The following IL1RAPL2 variants were observed in gnomAD, a reference collection of about 807,000 sequenced individuals.
IL1RAPL2 encodes X-linked interleukin-1 receptor accessory protein-like 2.
A neutral mutation model predicts 44.1 loss-of-function variants in IL1RAPL2; 3 were observed. The observed-to-expected ratio is 0.07, with a 90% confidence interval of 0.03 to 0.18. IL1RAPL2 has a LOEUF of 0.18. IL1RAPL2 is among the 10% of genes least tolerant of loss of function. The pLI, the probability that IL1RAPL2 is intolerant of heterozygous loss-of-function variation, is 1.00. For synonymous variants in IL1RAPL2, 181 were observed against 178.8 expected (o/e 1.01, Z -0.10); for missense variants, 391 against 496.4 (o/e 0.79, Z 2.02).
At chrX:105,435,355 C>A (rs918593528) in intron 5 of IL1RAPL2, among the ~76,000 whole-genome samples, 1 of 111,445 alleles carries the variant, frequency 9.0e-6, no homozygotes, top group African/African-American at 3.3e-5. Flanking sequence ...CCATCTCATG[C>A]CAGTCAGAAT....
At chrX:104,876,655 T>C (rs1389927464) in intron 2 of IL1RAPL2, among the ~76,000 whole-genome samples, 2 of 105,366 alleles carry the variant, frequency 1.9e-5, no homozygotes, top group Non-Finnish European at 3.9e-5. Context: ...AGCTTTCTTT[T>C]TTTTTTTTTT....
At chrX:105,151,534 T>C (rs181162056) in intron 2 of IL1RAPL2, among the ~76,000 whole-genome samples, 1 of 110,904 alleles carries the variant, frequency 9.0e-6, no homozygotes, top group East Asian at 2.8e-4. Flanking sequence ...TTTTTTCGTT[T>C]TTTTGGTTTG....
intron 2 of IL1RAPL2, among the ~76,000 whole-genome samples, chrX:105,126,218 T>C (rs2032973819): frequency 9.0e-6 from 1 of 111,350 alleles, no homozygotes; most frequent in Non-Finnish European, 1.9e-5. Context: ...AAGTGCTCTA[T>C]GTATTTGATT....
intron 2 of IL1RAPL2, among the ~76,000 whole-genome samples, chrX:104,909,600 T>G (rs1387324020): frequency 3.6e-5 from 4 of 111,652 alleles, no homozygotes; most frequent in African/African-American, 9.8e-5. Flanking sequence ...GGAGTCCCCT[T>G]GCCGTGTGAG....
intron 6 of IL1RAPL2, among the ~76,000 whole-genome samples, chrX:105,532,683 T>G: frequency 9.0e-6 from 1 of 111,130 alleles, no homozygotes; most frequent in Non-Finnish European, 1.9e-5. Flanking sequence ...TCCTTATCCC[T>G]TTCACCTCAT....
intron 6 of IL1RAPL2, among the ~76,000 whole-genome samples, chrX:105,710,439 C>T: frequency 9.9e-6 from 1 of 100,602 alleles, no homozygotes; most frequent in Non-Finnish European, 2.0e-5. Flanking sequence ...CTTTTCATCT[C>T]CCTTGTATCT....
chrX:104,693,541 C>A (rs1930917828), intron 2 of IL1RAPL2, among the ~76,000 whole-genome samples: 1 of 111,827 alleles, frequency 8.9e-6, no homozygotes, highest in African/African-American at 3.2e-5. Context: ...GGGTCACCTT[C>A]ATTGAGGAGC....
chrX:105,202,516 C>T (rs1363441935), intron 3 of IL1RAPL2, among the ~76,000 whole-genome samples: 1 of 111,807 alleles, frequency 8.9e-6, no homozygotes, highest in African/African-American at 3.2e-5. Flanking sequence ...GTAGCAATCC[C>T]CTCCATAATC....
At chrX:105,711,408 A>G (rs1053298273) in intron 6 of IL1RAPL2, among the ~76,000 whole-genome samples, 19 of 110,715 alleles carry the variant, frequency 1.7e-4, no homozygotes, top group African/African-American at 5.9e-4. Context: ...CTCTCTCTCA[A>G]TAATGGCACT....
chrX:105,040,574 A>C (rs1388089166), intron 2 of IL1RAPL2, among the ~76,000 whole-genome samples: 3 of 110,570 alleles, frequency 2.7e-5, no homozygotes, highest in South Asian at 3.8e-4. Context: ...TTATTGGTCT[A>C]TTCAGAGATT....
At chrX:105,036,860 A>C (rs2147756581) in intron 2 of IL1RAPL2, among the ~76,000 whole-genome samples, 1 of 112,144 alleles carries the variant, frequency 8.9e-6, no homozygotes, top group African/African-American at 3.2e-5. Context: ...CAAAGGGATA[A>C]AAACCAAAGC....
Position 105,026,371 on chromosome X carries a change from C to T in IL1RAPL2, c.83-169104C>T, listed in dbSNP as rs966271982. ...ATGAGCATTTCCTTTGAGCATCATG[C>T]AGGTGCTCAAAAGTTTCAGATTTTG... On this transcript the variant is annotated intron_variant, in intron 2 of 10. Coordinates refer to ENST00000372582, the MANE Select transcript of IL1RAPL2 (RefSeq NM_017416.2). 2.7e-5 allele frequency among the ~76,000 whole-genome samples: 3 copies of T among 110,117 alleles called. No homozygotes were observed. In the Admixed American group the frequency reaches 2.9e-4, roughly 11 times the overall value.
intron 2 of IL1RAPL2, among the ~76,000 whole-genome samples, chrX:104,950,473 C>T (rs1925540716): frequency 8.9e-6 from 1 of 112,502 alleles, no homozygotes; most frequent in Admixed American, 9.3e-5. Context: ...GGCAGGCAGG[C>T]CTCCTTGAGC....
At chrX:105,396,503 C>CATAGAGGA (rs2035564204) in intron 5 of IL1RAPL2, among the ~76,000 whole-genome samples, 2 of 98,107 alleles carry the variant, frequency 2.0e-5, no homozygotes, top group Non-Finnish European at 4.1e-5. Context: ...ACGTAAAAGA[C>CATAGAGGA]AAATCTTTTC....
intron 1 of IL1RAPL2, among the ~76,000 whole-genome samples, chrX:104,567,260 G>A (rs1432751604): frequency 8.9e-6 from 1 of 112,897 alleles, no homozygotes; most frequent in Admixed American, 9.3e-5. Flanking sequence ...GAAGGCCAGG[G>A]GCTCTTCGCC....
chrX:105,345,177 A>T (rs2035101094), intron 5 of IL1RAPL2, among the ~76,000 whole-genome samples: 1 of 111,912 alleles, frequency 8.9e-6, no homozygotes, highest in Admixed American at 9.6e-5. Flanking sequence ...AATAATCTAT[A>T]AATTCTTGAA....
chrX:105,402,048 C>G (rs2035609914), intron 5 of IL1RAPL2, among the ~76,000 whole-genome samples: 1 of 110,601 alleles, frequency 9.0e-6, no homozygotes, highest in African/African-American at 3.3e-5. Context: ...ATGTTTTGTT[C>G]ATGGGACATG....
intron 2 of IL1RAPL2, among the ~76,000 whole-genome samples, chrX:104,669,354 T>C (rs1456248600): frequency 9.0e-6 from 1 of 111,312 alleles, no homozygotes; most frequent in African/African-American, 3.3e-5. Context: ...TTTATCTTGG[T>C]CCTATCTGTA....
At chrX:105,012,028 T>A (rs370711083) in intron 2 of IL1RAPL2, among the ~76,000 whole-genome samples, 1 of 111,411 alleles carries the variant, frequency 9.0e-6, no homozygotes, top group Non-Finnish European at 1.9e-5. Flanking sequence ...CCATCTTTAA[T>A]CACAGGATAG....
Sources: gnomAD v4.1 joint callset for allele counts (sites outside exome capture counted in the v4.1 genomes callset) on GRCh38, gnomAD v4.1.1 for gene constraint, MANE v1.5 for transcripts, NCBI Gene and HGNC (gene_info 2026-07-23, HGNC 2026-07-21) for gene names.